Variants in RTTN observed in about 807,000 individuals in gnomAD.
The protein encoded by RTTN is rotatin.
In RTTN, 182 loss-of-function variants were observed where a neutral mutation model predicts 269.2. That is an observed-to-expected ratio of 0.68 (90% confidence interval 0.60 to 0.76). RTTN has a LOEUF of 0.76. Ranked by LOEUF, RTTN falls within the 30% of genes least tolerant of loss-of-function variation. The pLI is 0.00. For synonymous variants in RTTN, 1,006 were observed against 963.5 expected, an observed-to-expected ratio of 1.04 and a Z score of -0.82; for missense variants, 2,545 against 2,608.6, an observed-to-expected ratio of 0.98 and a Z score of 0.53.
intron 27 of RTTN, among the ~76,000 whole-genome samples, chr18:70,113,155 C>A (rs113651910): frequency 6.6e-6 from 1 of 152,042 alleles, no homozygotes; most frequent in African/African-American, 2.4e-5. Flanking sequence ...ATCTCTGGGA[C>A]ATATTTAAAG....
intron 28 of RTTN, among the ~76,000 whole-genome samples, chr18:70,095,127 C>CCT (rs1555726140): frequency 1.4e-5 from 2 of 145,766 alleles, no homozygotes; most frequent in South Asian, 2.1e-4. Context: ...GCAACTCCTG[C>CCT]TTTTTTTTTT....
chr18:70,173,468 G>A (rs1378435948), intron 11 of RTTN, among the ~76,000 whole-genome samples: 3 of 147,840 alleles, frequency 2.0e-5, no homozygotes, highest in African/African-American at 7.5e-5. Flanking sequence ...ACTCCAGCCT[G>A]GTGACAGAGC....
chr18:70,048,431 T>G (rs1475369713), intron 39 of RTTN, among the ~76,000 whole-genome samples: 2 of 152,214 alleles, frequency 1.3e-5, no homozygotes, highest in Non-Finnish European at 2.9e-5. Flanking sequence ...TGAGTGGTCA[T>G]GAACTGATTC....
intron 14 of RTTN, among the ~76,000 whole-genome samples, chr18:70,160,370 A>G (rs11664353): frequency 0.72 from 108,988 of 151,580 alleles, 46,204 homozygotes; most frequent in East Asian, 1. Context: ...AAGGCTTTTG[A>G]TAAAATTCAA....
chr18:70,066,367 C>G (rs1022454813), intron 34 of RTTN, among the ~76,000 whole-genome samples: 1 of 152,066 alleles, frequency 6.6e-6, no homozygotes, highest in Non-Finnish European at 1.5e-5. Flanking sequence ...AAAGATTTTT[C>G]TCTACCTCAC....
chr18:70,041,842 G>T (rs913069939), intron 40 of RTTN, among the ~76,000 whole-genome samples: 1 of 151,966 alleles, frequency 6.6e-6, no homozygotes, highest in African/African-American at 2.4e-5. Flanking sequence ...ATAACATTTG[G>T]CAGTTGGGTT....
Position 70,163,069 on chromosome 18 carries a change from TAAAAAAAA to T in RTTN, c.1929+2985_1929+2992del, listed in dbSNP as rs10559303. On this transcript the variant is annotated intron_variant, in intron 14 of 48. Transcript: ENST00000640769. ...CACCCATTAGGATGGTTACTATTATTAAAAAAAAAAAAAAAAAAAAAAAAAAAAACAAG... is the reference window on the plus strand; with the variant it reads ...CACCCATTAGGATGGTTACTATTATTAAAAAAAAAAAAAAAAAAAAACAAG... Among the ~76,000 whole-genome samples the T allele has an allele frequency of 9.7e-3, 551 of 57,006 alleles. 6 individuals carry two copies. Among genetic ancestry groups the T allele is most frequent in the African/African-American group, 0.037 (521 of 14,188 alleles). The allele number at this position is 57,006 out of a possible 152,430, so 37.4% of individuals were successfully genotyped here.
intron 40 of RTTN, among the ~76,000 whole-genome samples, chr18:70,042,219 A>G (rs925682569): frequency 1.3e-5 from 2 of 152,120 alleles, no homozygotes; most frequent in Non-Finnish European, 2.9e-5. Flanking sequence ...ATAGATGGAA[A>G]GAATCCCCAA....
chr18:70,080,499 AACAGAT>A (rs1241228995), intron 32 of RTTN, among the ~76,000 whole-genome samples: 1 of 152,170 alleles, frequency 6.6e-6, no homozygotes, highest in East Asian at 1.9e-4. Flanking sequence ...TAATGATAGA[AACAGAT>A]TATAGCCCAT....
intron 45 of RTTN, 109 bp from the exon 46 acceptor site, chr18:70,017,783 A>C: frequency 1.2e-6 from 1 of 814,166 alleles, no homozygotes; most frequent in Non-Finnish European, 1.9e-6. Flanking sequence ...CTCTACATTA[A>C]TTTCTCCTTT....
intron 1 of RTTN, 131 bp from the exon 2 acceptor site, chr18:70,205,446 G>A (rs1054912309): frequency 7.3e-7 from 1 of 1,379,030 alleles, no homozygotes; most frequent in East Asian, 2.3e-5. Flanking sequence ...TGGTGCCTTC[G>A]GGACGCGAAC....
Position 70,121,606 on chromosome 18 carries a change from T to C in RTTN, c.3478A>G (p.Asn1160Asp). 1 of 1,582,282 alleles carries C rather than the reference T, an allele frequency of 6.3e-7. No homozygotes were observed. The highest frequency in any genetic ancestry group is 1.4e-5 in the African/African-American group (1 of 72,942). ...LNKLIKEQRKNSSLELLNWIL... is the reference protein window; with the variant it reads ...LNKLIKEQRKDSSLELLNWIL... ...CAGTTTAGAAGTTCTAGTGAAGAAT[T>C]TTTTCTTTGTTCCTTTATTAATTTA... Residue 1160 changes from asparagine (N) to aspartate (D), a missense_variant, in exon 26 of 49, where the codon AAT becomes GAT. Coordinates refer to ENST00000640769, the MANE Select transcript of RTTN (RefSeq NM_173630.4).
At chr18:70,074,108 A>G in intron 33 of RTTN, 114 bp from the exon 34 acceptor site, 1 of 631,708 alleles carries the variant, frequency 1.6e-6, no homozygotes, top group Non-Finnish European at 2.7e-6. Flanking sequence ...GAAAAAACTT[A>G]TATGGATCTG....
intron 32 of RTTN, among the ~76,000 whole-genome samples, chr18:70,085,930 A>G (rs1419722314): frequency 6.6e-6 from 1 of 152,150 alleles, no homozygotes; most frequent in Non-Finnish European, 1.5e-5. Flanking sequence ...ACCATTACGC[A>G]ATATACTTAT....
chr18:70,012,074 T>C (rs1326018559), intron 46 of RTTN, among the ~76,000 whole-genome samples: 1 of 96,762 alleles, frequency 1.0e-5, no homozygotes, highest in African/African-American at 3.3e-5. Context: ...CTCACTGGTA[T>C]TGGTTACAGG....
At chr18:70,019,062 G>A (rs2056627610) in intron 45 of RTTN, among the ~76,000 whole-genome samples, 1 of 152,062 alleles carries the variant, frequency 6.6e-6, no homozygotes, top group Non-Finnish European at 1.5e-5. Flanking sequence ...ATGCAGCAGA[G>A]GAAGTCTCAG....
intron 27 of RTTN, among the ~76,000 whole-genome samples, chr18:70,111,423 C>A (rs2059463566): frequency 6.6e-6 from 1 of 152,100 alleles, no homozygotes; most frequent in Non-Finnish European, 1.5e-5. Flanking sequence ...CAAACAGGGT[C>A]GAGAGTGGAC....
intron 38 of RTTN, among the ~76,000 whole-genome samples, chr18:70,052,861 C>T (rs2144824330): frequency 6.6e-6 from 1 of 152,070 alleles, no homozygotes; most frequent in East Asian, 1.9e-4. Context: ...AATAGATATA[C>T]ATTCAGATAT....
At chr18:70,107,445 A>G (rs929839039) in intron 28 of RTTN, among the ~76,000 whole-genome samples, 1 of 152,244 alleles carries the variant, frequency 6.6e-6, no homozygotes, top group Admixed American at 6.5e-5. Flanking sequence ...GGCCACTGTG[A>G]TGAGGCTGTT....
Sources: allele counts gnomAD v4.1 joint callset (sites outside exome capture counted in the v4.1 genomes callset), GRCh38; gene constraint gnomAD v4.1.1; transcripts MANE v1.5; gene names NCBI Gene and HGNC (gene_info 2026-07-23, HGNC 2026-07-21).